The following ROR1 variants were observed in gnomAD, a reference collection of about 807,000 sequenced individuals.
ROR1 encodes the protein inactive tyrosine-protein kinase transmembrane receptor ROR1.
In ROR1, 19 loss-of-function variants were observed where a neutral mutation model predicts 78.8. The observed-to-expected ratio is 0.24, with a 90% CI of 0.17 to 0.35. The LOEUF (loss-of-function observed/expected upper bound fraction) is 0.35, where lower values mean the gene tolerates loss of function less well. Ranked by LOEUF, ROR1 falls within the 10% of genes least tolerant of loss-of-function variation. The pLI, the probability that ROR1 is intolerant of heterozygous loss-of-function variation, is 1.00. For synonymous variants in ROR1, 386 were observed against 433.6 expected (o/e 0.89, Z 1.36); for missense variants, 917 against 1,177.8 (o/e 0.78, Z 3.24).
chr1:63,793,687 C>T (rs1644740438), intron 1 of ROR1, among the ~76,000 whole-genome samples: 1 of 152,162 alleles, frequency 6.6e-6, no homozygotes. Context: ...GCTGATTCCC[C>T]TCCCAGGACC....
At chr1:64,037,104 T>G (rs1351218779) in intron 2 of ROR1, among the ~76,000 whole-genome samples, 1 of 152,186 alleles carries the variant, frequency 6.6e-6, no homozygotes. Context: ...AACCTGACTC[T>G]GAAGTCTCTC....
intron 4 of ROR1, among the ~76,000 whole-genome samples, chr1:64,123,679 G>A (rs1648619964): frequency 1.3e-5 from 1 of 74,308 alleles, no homozygotes; most frequent in Non-Finnish European, 2.8e-5. Flanking sequence ...GATAAAAAAC[G>A]AGGTATGATC....
intron 2 of ROR1, among the ~76,000 whole-genome samples, chr1:64,044,079 G>T (rs1018602413): frequency 6.6e-6 from 1 of 152,176 alleles, no homozygotes; most frequent in African/African-American, 2.4e-5. Context: ...GCCCAGATCT[G>T]ACACAATCGC....
At position 63,901,369 on chromosome 1, in the gene ROR1, G is replaced by A. The variant is rs1248036908; in HGVS notation, c.92-107936G>A. 2.6e-5 allele frequency among the ~76,000 whole-genome samples: 4 copies of A among 152,194 alleles called. No individual in the cohort carries two copies. The East Asian group carries it at 5.8e-4, about 22-fold the overall frequency. ...CACTTGGCCTTGGGAGTTGTTGTCC[G>A]GTTCCCCATTATCCCCAGTTTACAC... On this transcript the variant is annotated intron_variant, in intron 1 of 8. Transcript: ENST00000371079.
At chr1:64,037,400 A>C (rs942370013) in intron 2 of ROR1, among the ~76,000 whole-genome samples, 4 of 152,166 alleles carry the variant, frequency 2.6e-5, no homozygotes, top group African/African-American at 9.7e-5. Flanking sequence ...AGCTACATCC[A>C]TTGCAACTAG....
chr1:64,104,310 T>C (rs1647696766), intron 4 of ROR1, among the ~76,000 whole-genome samples: 1 of 151,998 alleles, frequency 6.6e-6, no homozygotes, highest in African/African-American at 2.4e-5. Context: ...GCTGTCCTCT[T>C]GTAGGTGGTT....
At chr1:64,098,301 C>A (rs781592102) in intron 4 of ROR1, among the ~76,000 whole-genome samples, 7 of 152,102 alleles carry the variant, frequency 4.6e-5, no homozygotes, top group African/African-American at 9.7e-5. Flanking sequence ...AGTCCCAAAC[C>A]CCCTCTGAAA....
chr1:64,063,670 C>T (rs1646934525), intron 4 of ROR1, among the ~76,000 whole-genome samples: 1 of 152,088 alleles, frequency 6.6e-6, no homozygotes, highest in Non-Finnish European at 1.5e-5. Context: ...CACACTCATT[C>T]ACACAGTCAC....
At chr1:64,125,861 C>A (rs892754623) in intron 4 of ROR1, among the ~76,000 whole-genome samples, 1 of 152,086 alleles carries the variant, frequency 6.6e-6, no homozygotes, top group African/African-American at 2.4e-5. Context: ...TTATTTGGTG[C>A]CTTCTACAAA....
At chr1:63,925,992 T>C (rs1645699921) in intron 1 of ROR1, among the ~76,000 whole-genome samples, 1 of 150,880 alleles carries the variant, frequency 6.6e-6, no homozygotes, top group South Asian at 2.1e-4. Context: ...GCAGTTTCTT[T>C]TGCTGTGCAG....
chr1:64,178,554 C>T lies in ROR1; in HGVS notation c.2513C>T (p.Pro838Leu), dbSNP rs1650457276. Residue 838 changes from proline (P) to leucine (L), a missense_variant, in exon 9 of 9, where the codon CCA becomes CTA. By Grantham distance (98) the Pro-to-Leu change is moderately conservative. Transcript: ENST00000371079. This position sits in a 1 kb window ranked among gnomAD's most constrained non-coding sequence, Gnocchi z 4.3. ...GCGTTTCCAGCTGCCCACTACCAGC[C>T]AACAGGTCCTCCCAGAGTGATTCAG... ...YAAFPAAHYQ[P>L]TGPPRVIQHC... is the part of the protein sequence containing the mutation. The T allele has an allele frequency of 1.2e-6, 2 of 1,614,174 alleles. No homozygotes were observed. The highest frequency in any genetic ancestry group is 1.7e-5 in the Admixed American group (1 of 60,030).
chr1:64,050,788 T>C (rs1646822415), intron 4 of ROR1, 72 bp downstream of exon 4: 15 of 1,470,484 alleles, frequency 1.0e-5, no homozygotes, highest in Non-Finnish European at 1.4e-5. Context: ...AAAGCAATGT[T>C]GTCCTCTTCT....
intron 4 of ROR1, among the ~76,000 whole-genome samples, chr1:64,053,322 G>T (rs527704885): frequency 6.6e-6 from 1 of 152,302 alleles, no homozygotes; most frequent in East Asian, 1.9e-4. Flanking sequence ...CCTGGGAAGG[G>T]CTTGTAGGGA....
At chr1:64,038,421 G>A (rs1646720619) in intron 2 of ROR1, among the ~76,000 whole-genome samples, 3 of 152,130 alleles carry the variant, frequency 2.0e-5, no homozygotes. Context: ...CACACACTTG[G>A]CTTTTGCTCT....
intron 8 of ROR1, among the ~76,000 whole-genome samples, chr1:64,163,681 G>T (rs527407223): frequency 6.6e-6 from 1 of 152,014 alleles, no homozygotes; most frequent in African/African-American, 2.4e-5. Flanking sequence ...TCATCTCTCC[G>T]TTTTCCTTTC....
intron 2 of ROR1, among the ~76,000 whole-genome samples, chr1:64,031,455 C>T (rs1284907149): frequency 6.6e-6 from 1 of 152,214 alleles, no homozygotes; most frequent in Non-Finnish European, 1.5e-5. Context: ...TCTGATGTAG[C>T]TGCCATTTTT....
chr1:63,833,502 G>A (rs1416164311), intron 1 of ROR1, among the ~76,000 whole-genome samples: 1 of 152,170 alleles, frequency 6.6e-6, no homozygotes, highest in African/African-American at 2.4e-5. Context: ...GGGTGACAAG[G>A]GGAAGCTCCC....
At chr1:63,825,563 G>A (rs1251344661) in intron 1 of ROR1, among the ~76,000 whole-genome samples, 1 of 152,186 alleles carries the variant, frequency 6.6e-6, no homozygotes, top group East Asian at 1.9e-4. Context: ...CAGAACTTTT[G>A]GGGATGACGG....
chr1:64,049,941 G>A lies in ROR1; in HGVS notation c.414G>A (p.Glu138=). The A allele has an allele frequency of 6.2e-7, 1 of 1,614,200 alleles. No homozygotes were observed. Among genetic ancestry groups the A allele is most frequent in the South Asian group, 1.1e-5 (1 of 91,078 alleles). ...YFQCVATNGK[E]VVSSTGVLFV... ...AGTGCGTGGCAACAAACGGCAAGGA[G>A]GTGGTTTCTTCCACTGGAGTCTTGT... is the stretch of plus-strand genomic sequence containing the variant. Residue 138 remains glutamate (E), a synonymous_variant, in exon 3 of 9, where the codon GAG becomes GAA. Coordinates refer to ENST00000371079, the MANE Select transcript of ROR1 (RefSeq NM_005012.4).
Sources: gnomAD v4.1 joint callset for allele counts (sites outside exome capture counted in the v4.1 genomes callset) on GRCh38, gnomAD v4.1.1 for gene constraint, Gnocchi (gnomAD v3.1) non-coding constraint, MANE v1.5 for transcripts, NCBI Gene and HGNC (gene_info 2026-07-23, HGNC 2026-07-21) for gene names.